Variants in RHOQ observed in about 807,000 individuals in gnomAD.
RHOQ encodes ras homolog family member Q, also known as rho-related GTP-binding protein RhoQ.
In RHOQ, 7 loss-of-function variants were observed where a neutral mutation model predicts 25.8. The ratio of observed to expected loss-of-function variants is 0.27; its 90% CI spans 0.15 to 0.51. The LOEUF is 0.51. Ranked by LOEUF, RHOQ falls within the 20% of genes least tolerant of loss-of-function variation. The pLI is 0.97. For synonymous variants in RHOQ, 97 were observed against 98.6 expected (o/e 0.98, Z 0.10); for missense variants, 165 against 260.6 (o/e 0.63, Z 2.53).
chr2:46,563,062 T>G (rs1668621647), intron 2 of RHOQ, among the ~76,000 whole-genome samples: 1 of 152,202 alleles, frequency 6.6e-6, no homozygotes, highest in Non-Finnish European at 1.5e-5. Flanking sequence ...TAGTCCATTT[T>G]ATAAATAAAA....
At chr2:46,547,397 G>T (rs1241866293) in intron 2 of RHOQ, among the ~76,000 whole-genome samples, 4 of 152,232 alleles carry the variant, frequency 2.6e-5, no homozygotes, top group African/African-American at 9.6e-5. Context: ...TGGCCTTCTA[G>T]AGCAGGCTGC....
chr2:46,543,819 G>A lies in RHOQ; in HGVS notation c.201+7G>A, dbSNP rs750627641. The A allele has an allele frequency of 5.8e-5, 94 of 1,612,486 alleles. 1 individual carries two copies. The highest frequency in any genetic ancestry group is 2.7e-4 in the Admixed American group (16 of 59,890). On this transcript the variant is annotated splice_region_variant and intron_variant, in intron 2 of 4. Coordinates refer to ENST00000238738, the MANE Select transcript of RHOQ (RefSeq NM_012249.4). Reference sequence around the variant, plus strand: ...CTATGACACGGCCGGACAGGTGAGTGTCTTGGCCTCTGGCCGACGCCCCCC... The same window carrying A: ...CTATGACACGGCCGGACAGGTGAGTATCTTGGCCTCTGGCCGACGCCCCCC...
rs767129002 is a variant in RHOQ at position 46,583,586 on chromosome 2, T to C, written c.*2503T>C. Among the ~76,000 whole-genome samples, 7 of 152,146 alleles carry C rather than the reference T, an allele frequency of 4.6e-5. No homozygotes were observed. Among genetic ancestry groups the C allele is most frequent in the Non-Finnish European group, 8.8e-5 (6 of 67,992 alleles). ...TTAATTGCTTTGGTTCTTTAGTTTTTCTTTTTGCAAAAATCCTTCCTGTCA... is the reference window on the plus strand; with the variant it reads ...TTAATTGCTTTGGTTCTTTAGTTTTCCTTTTTGCAAAAATCCTTCCTGTCA... On this transcript the variant is annotated 3_prime_UTR_variant, in exon 5 of 5. Coordinates refer to ENST00000238738, the MANE Select transcript of RHOQ (RefSeq NM_012249.4).
chr2:46,543,948 T>G, intron 2 of RHOQ, 136 bp downstream of exon 2: 1 of 675,558 alleles, frequency 1.5e-6, no homozygotes. Context: ...AGGTCTTTAT[T>G]TCTTGTAACA....
intron 4 of RHOQ, among the ~76,000 whole-genome samples, chr2:46,577,806 G>A (rs893114641): frequency 1.3e-5 from 2 of 151,946 alleles, no homozygotes; most frequent in Admixed American, 6.6e-5. Context: ...AAAAATAAAT[G>A]GCTTTACTAA....
At chr2:46,562,028 C>G (rs1371710091) in intron 2 of RHOQ, among the ~76,000 whole-genome samples, 1 of 152,128 alleles carries the variant, frequency 6.6e-6, no homozygotes, top group Non-Finnish European at 1.5e-5. Flanking sequence ...GAGACTCACA[C>G]GATTTGATTT....
At chr2:46,560,605 T>C (rs751289511) in intron 2 of RHOQ, 2 of 456,282 alleles carry the variant, frequency 4.4e-6, no homozygotes, top group Non-Finnish European at 8.8e-6. Flanking sequence ...CACGTTTTCC[T>C]TCCATACGAG....
rs765029139 is a variant in RHOQ, at chr2:46,576,279, T to C, written c.366+28T>C. The C allele has an allele frequency of 1.0e-5, 16 of 1,581,586 alleles. No homozygotes were observed. Among genetic ancestry groups the C allele is most frequent in the Non-Finnish European group, 1.3e-5 (15 of 1,157,074 alleles). ...ATGTCTGGTTTGATTTTCTGCATTT[T>C]AGAATAAGCTCTTTGGTCTGTCGTA... On this transcript the variant is annotated intron_variant, in intron 3 of 4. Coordinates refer to ENST00000238738, the MANE Select transcript of RHOQ (RefSeq NM_012249.4). This position sits in a 1 kb window ranked among gnomAD's most constrained non-coding sequence, Gnocchi z 5.1.
In RHOQ at chr2:46,581,144, C is replaced by A. The variant is rs549446550; in HGVS notation, c.*61C>A. Reference sequence around the variant, plus strand: ...CTCTCAGAAAGCAAATGAAATGCTACAGCTATACCCAGACCTTTTATAGGT... The same window carrying A: ...CTCTCAGAAAGCAAATGAAATGCTAAAGCTATACCCAGACCTTTTATAGGT... On this transcript the variant is annotated 3_prime_UTR_variant, in exon 5 of 5. Transcript: ENST00000238738. 33 of 1,308,444 alleles carry A rather than the reference C, an allele frequency of 2.5e-5. No individual in the cohort carries two copies. In the South Asian group the frequency reaches 4.4e-4, roughly 17 times the overall value. The allele number at this position is 1,308,444 out of a possible 1,614,324, so 81.1% of individuals were successfully genotyped here.
Position 46,574,239 on chromosome 2 carries a change from T to C in RHOQ, c.202-1848T>C, listed in dbSNP as rs569147018. 3.3e-5 allele frequency among the ~76,000 whole-genome samples: 5 copies of C among 152,336 alleles called. No individual in the cohort carries two copies. In the East Asian group the frequency reaches 9.6e-4, roughly 29 times the overall value. On this transcript the variant is annotated intron_variant, in intron 2 of 4. Transcript: ENST00000238738. ...AAATCTAAATATGGATGAGGAGTGC[T>C]TTTTAATGAGAACACCCCATTTCCC...
At position 46,554,183 on chromosome 2, in the gene RHOQ, C is replaced by T. The variant is rs570681989; in HGVS notation, c.201+10371C>T. Among the ~76,000 whole-genome samples, 7 of 151,560 alleles carry T rather than the reference C, an allele frequency of 4.6e-5. No homozygotes were observed. The South Asian group carries it at 1.5e-3, about 32-fold the overall frequency. ...GCCCCACAAAACACACCCCCATATA[C>T]CCTCATTTCTAGTTCTTTACACATG... On this transcript the variant is annotated intron_variant, in intron 2 of 4. Coordinates refer to ENST00000238738, the MANE Select transcript of RHOQ (RefSeq NM_012249.4).
Position 46,580,979 on chromosome 2 carries a change from A to AAGAC in RHOQ, c.515_518dup (p.Val174AspfsTer4). The AAGAC allele has an allele frequency of 6.3e-7, 1 of 1,580,964 alleles. No homozygotes were observed. On this transcript the variant is annotated frameshift_variant, in exon 5 of 5. Coordinates refer to ENST00000238738, the MANE Select transcript of RHOQ (RefSeq NM_012249.4). LOFTEE classifies it high-confidence loss of function. ...TTCAGCTTTAACCCAGAAGGGATTG[A>AAGAC]AGACTGTTTTTGATGAGGCTATCAT...
chr2:46,554,458 C>T (rs990914408), intron 2 of RHOQ, among the ~76,000 whole-genome samples: 2 of 152,160 alleles, frequency 1.3e-5, no homozygotes, highest in East Asian at 1.9e-4. Flanking sequence ...TTAAGGGGCT[C>T]GATAGACAGG....
intron 1 of RHOQ, 140 bp downstream of exon 1, chr2:46,543,328 C>T (rs1186566597): frequency 2.2e-5 from 20 of 906,852 alleles, no homozygotes; most frequent in Middle Eastern, 3.2e-4. Flanking sequence ...GCGGCCGGCC[C>T]CACCCCCGAA....
chr2:46,553,447 C>T (rs1159951869), intron 2 of RHOQ, among the ~76,000 whole-genome samples: 2 of 152,102 alleles, frequency 1.3e-5, no homozygotes, highest in Non-Finnish European at 2.9e-5. Flanking sequence ...ATAGGGTATC[C>T]ATCCCCTCAA....
intron 2 of RHOQ, among the ~76,000 whole-genome samples, chr2:46,544,569 G>A (rs907940857): frequency 6.6e-6 from 1 of 152,202 alleles, no homozygotes; most frequent in African/African-American, 2.4e-5. Flanking sequence ...ATCAGAGGTG[G>A]CCAGGCTGTG....
chr2:46,578,494 G>T (rs1187126860), intron 4 of RHOQ, among the ~76,000 whole-genome samples: 1 of 143,600 alleles, frequency 7.0e-6, no homozygotes, highest in African/African-American at 2.6e-5. Flanking sequence ...CACCTTGGAA[G>T]GCTGAGGTGG....
In RHOQ at chr2:46,576,942, C is replaced by G. The variant is rs1231568090; in HGVS notation, c.462+286C>G. ...GACTCCTGGGCCGAGACTCTTACAC[C>G]TTTGCTACATTGCCAGTGATATTTT... On this transcript the variant is annotated intron_variant, in intron 4 of 4. Transcript: ENST00000238738. This position sits in a 1 kb window ranked among gnomAD's most constrained non-coding sequence, Gnocchi z 5.1. 7.3e-5 allele frequency: 19 copies of G among 258,780 alleles called. No individual in the cohort carries two copies. In the East Asian group the frequency reaches 1.4e-3, roughly 19 times the overall value. The allele number at this position is 258,780 out of a possible 1,614,324, so 16.0% of individuals were successfully genotyped here.
intron 2 of RHOQ, among the ~76,000 whole-genome samples, chr2:46,553,313 T>C (rs1668300076): frequency 6.6e-6 from 1 of 152,106 alleles, no homozygotes; most frequent in Admixed American, 6.5e-5. Context: ...ACTTATTTTA[T>C]TCTTTTTTTT....
Sources: gnomAD v4.1 joint callset for allele counts (sites outside exome capture counted in the v4.1 genomes callset) on GRCh38, gnomAD v4.1.1 for gene constraint, Gnocchi (gnomAD v3.1) non-coding constraint, MANE v1.5 for transcripts, NCBI Gene and HGNC (gene_info 2026-07-23, HGNC 2026-07-21) for gene names.